The following RSBN1 variants were observed in gnomAD, a reference collection of about 807,000 sequenced individuals.
The protein encoded by RSBN1 is lysine-specific demethylase 9.
A neutral mutation model predicts 74.8 loss-of-function variants in RSBN1; 23 were observed. That is an observed-to-expected ratio of 0.31 (90% CI 0.22 to 0.44). The LOEUF (loss-of-function observed/expected upper bound fraction) is 0.44. Among genes scored for constraint, RSBN1 ranks in the 20% least tolerant of loss-of-function variants. RSBN1 has a pLI of 1.00. For synonymous variants in RSBN1, 407 were observed against 379.6 expected (o/e 1.07, Z -0.84); for missense variants, 808 against 1,020.9 (o/e 0.79, Z 2.84).
At chr1:113,770,337 G>C (rs574148380) in intron 4 of RSBN1, among the ~76,000 whole-genome samples, 209 of 152,280 alleles carry the variant, frequency 1.4e-3, no homozygotes, top group Non-Finnish European at 2.4e-3. Context: ...GAGAATGTTA[G>C]AACAGAGAAA....
chr1:113,767,433 G>GA lies in RSBN1; in HGVS notation c.1827-227dup, dbSNP rs1441438647. ...AAATTAAAACAAAAATGGCTAAAAA[G>GA]AATAGTTTTATTCTAAACTAGTTGC... On this transcript the variant is annotated intron_variant, in intron 5 of 6. Transcript: ENST00000261441. 2.0e-5 allele frequency among the ~76,000 whole-genome samples: 3 copies of GA among 152,176 alleles called. No homozygotes were observed. In the East Asian group the frequency reaches 5.8e-4, roughly 29 times the overall value.
chr1:113,765,860 T>C lies in RSBN1; in HGVS notation c.*120A>G. On this transcript the variant is annotated 3_prime_UTR_variant, in exon 7 of 7. Transcript: ENST00000261441. ...ATGCTTGACATTTGTGGAATGTCAT[T>C]TCTCTTTATAGAATTATAGGCAAGA... The C allele has an allele frequency of 1.4e-6, 1 of 720,518 alleles. No individual in the cohort carries two copies. The highest frequency in any genetic ancestry group is 1.9e-5 in the South Asian group (1 of 51,384). 44.6% of individuals were successfully genotyped at this position (720,518 alleles called of 1,614,324 possible).
rs147310971 is a variant in RSBN1 at position 113,806,138 on chromosome 1, C to G, written c.703+5572G>C. ...ATCACCTGAGGTCAGGAGTTTGAGA[C>G]CAGTCTGGCCAACATGGTGAAACCC... On this transcript the variant is annotated intron_variant, in intron 1 of 6. Coordinates refer to ENST00000261441, the MANE Select transcript of RSBN1 (RefSeq NM_018364.5). 2.7e-4 allele frequency among the ~76,000 whole-genome samples: 41 copies of G among 152,068 alleles called. No homozygotes were observed. The East Asian group carries it at 7.4e-3, about 27-fold the overall frequency.
At chr1:113,780,283 T>C (rs1660113129) in intron 2 of RSBN1, among the ~76,000 whole-genome samples, 1 of 152,250 alleles carries the variant, frequency 6.6e-6, no homozygotes, top group African/African-American at 2.4e-5. Context: ...TTACTTGGCC[T>C]GAGATTATAC....
rs112812399 is a variant in RSBN1 at position 113,799,379 on chromosome 1, G to T, written c.704-1343C>A. On this transcript the variant is annotated intron_variant, in intron 1 of 6. Coordinates refer to ENST00000261441, the MANE Select transcript of RSBN1 (RefSeq NM_018364.5). ...TTATGATCTAATTGTACAAGAAAAA[G>T]AAAGTACCAGATAGTGATAAGTGGG... Among the ~76,000 whole-genome samples the T allele has an allele frequency of 4.4e-3, 667 of 152,240 alleles. 2 individuals carry two copies. The highest frequency in any genetic ancestry group is 0.015 in the African/African-American group (643 of 41,544).
intron 1 of RSBN1, among the ~76,000 whole-genome samples, chr1:113,799,077 C>G (rs1045211713): frequency 6.6e-6 from 1 of 152,172 alleles, no homozygotes; most frequent in African/African-American, 2.4e-5. Context: ...TATACCTTAC[C>G]TTTCTCTCCT....
At chr1:113,778,296 TTTTTTTTTCC>T (rs941574338) in intron 2 of RSBN1, among the ~76,000 whole-genome samples, 8 of 145,144 alleles carry the variant, frequency 5.5e-5, no homozygotes, top group Non-Finnish European at 1.1e-4. Flanking sequence ...ATCTTTTTTT[TTTTTTTTTCC>T]TTTTTTTTGA....
chr1:113,802,207 C>T (rs1320459521), intron 1 of RSBN1, among the ~76,000 whole-genome samples: 2 of 151,924 alleles, frequency 1.3e-5, no homozygotes, highest in South Asian at 2.1e-4. Context: ...CTATCCGCCT[C>T]GGCCTCCCAA....
In RSBN1 at chr1:113,812,312, T is replaced by C; in HGVS notation, c.101A>G (p.Asp34Gly). ...TTTAAATGGCCCGACCGCCCCCCCG[T>C]CCGCGCATCGCGCAAGCGCCGCCCG... is the stretch of plus-strand genomic sequence containing the variant. ...SARAALARCA[D>G]GGAVGPFKCV... is the part of the protein sequence containing the mutation. Residue 34 changes from aspartate to glycine, a missense_variant, in exon 1 of 7, where the codon GAC becomes GGC. Physicochemically the swap from Asp to Gly is moderately conservative, Grantham distance 94. This residue lies in a region of RSBN1 where 464 missense variants were observed against 401.0 expected (regional missense o/e 1.16). Transcript: ENST00000261441. 1 of 1,603,998 alleles carries C rather than the reference T, an allele frequency of 6.2e-7. No homozygotes were observed. The highest frequency in any genetic ancestry group is 8.5e-7 in the Non-Finnish European group (1 of 1,179,754).
intron 1 of RSBN1, among the ~76,000 whole-genome samples, chr1:113,809,474 T>C (rs936527339): frequency 3.9e-5 from 6 of 152,234 alleles, no homozygotes; most frequent in African/African-American, 1.4e-4. Flanking sequence ...AGTCAAACTA[T>C]GTGCAAAAGC....
Position 113,812,261 on chromosome 1 carries a change from G to A in RSBN1, c.152C>T (p.Ala51Val). Reference protein sequence around the residue: ...FKCVFVGEMAAQVGAVRVVRA... With the variant: ...FKCVFVGEMAVQVGAVRVVRA... ...TACTACGCGCACCGCTCCGACCTGC[G>A]CAGCCATTTCACCCACAAACACACA... Residue 51 changes from alanine to valine, a missense_variant, in exon 1 of 7, where the codon GCG (alanine) becomes GTG (valine). By Grantham distance (64) the Ala-to-Val change is moderately conservative (BLOSUM62 0). Coordinates refer to ENST00000261441, the MANE Select transcript of RSBN1 (RefSeq NM_018364.5). 6.2e-7 allele frequency: 1 copy of A among 1,605,628 alleles called. No homozygotes were observed. Among genetic ancestry groups the A allele is most frequent in the Non-Finnish European group, 8.5e-7 (1 of 1,179,836 alleles).
chr1:113,800,089 A>G (rs1367690456), intron 1 of RSBN1, among the ~76,000 whole-genome samples: 1 of 152,206 alleles, frequency 6.6e-6, no homozygotes, highest in Non-Finnish European at 1.5e-5. Context: ...TACTCCATAT[A>G]AAATCACTTC....
intron 4 of RSBN1, among the ~76,000 whole-genome samples, chr1:113,769,584 A>G (rs200281694): frequency 6.6e-6 from 1 of 152,208 alleles, no homozygotes; most frequent in African/African-American, 2.4e-5. Flanking sequence ...ATTTCTAAAT[A>G]TAATAATCTA....
At chr1:113,771,526 A>T (rs1391729420) in intron 4 of RSBN1, among the ~76,000 whole-genome samples, 4 of 151,796 alleles carry the variant, frequency 2.6e-5, no homozygotes, top group South Asian at 2.1e-4. Flanking sequence ...ATGTTACAGC[A>T]GACAGTATGA....
intron 4 of RSBN1, among the ~76,000 whole-genome samples, chr1:113,769,630 A>C (rs1244074760): frequency 6.6e-6 from 1 of 152,198 alleles, no homozygotes; most frequent in Non-Finnish European, 1.5e-5. Context: ...AAAGGAAATG[A>C]ATTAATGAAT....
chr1:113,797,891 A>G lies in RSBN1; in HGVS notation c.849T>C (p.Ala283=), dbSNP rs1660504501. The change falls in exon 2 of 7, where the codon GCT becomes GCC. Residue 283 remains alanine, a synonymous_variant. Transcript: ENST00000261441. The part of the protein sequence containing the change: ...MYNKEVQTVC[A]GLTRISKEIL... ...TTTCTTTACTGATGCGGGTCAGGCC[A>G]GCACAGACGGTTTGTACTTCCTTAT... is the stretch of plus-strand genomic sequence containing the variant. 1 of 1,613,330 alleles carries G rather than the reference A, an allele frequency of 6.2e-7. No homozygotes were observed. Among genetic ancestry groups the G allele is most frequent in the Non-Finnish European group, 8.5e-7 (1 of 1,179,946 alleles).
intron 4 of RSBN1, among the ~76,000 whole-genome samples, chr1:113,772,615 T>TA (rs1160309197): frequency 6.6e-6 from 1 of 152,194 alleles, no homozygotes; most frequent in Non-Finnish European, 1.5e-5. Context: ...GTGTCCTTGG[T>TA]AACTGAACAG....
At chr1:113,807,772 A>ATT (rs1016800354) in intron 1 of RSBN1, among the ~76,000 whole-genome samples, 4 of 143,452 alleles carry the variant, frequency 2.8e-5, no homozygotes, top group South Asian at 2.3e-4. Flanking sequence ...AAAAAAAAAA[A>ATT]TTATATATAT....
chr1:113,778,178 A>G (rs1660066041), intron 2 of RSBN1, among the ~76,000 whole-genome samples: 1 of 152,202 alleles, frequency 6.6e-6, no homozygotes, highest in Non-Finnish European at 1.5e-5. Flanking sequence ...AGAAAAAAAG[A>G]CCATAGTCAT....
Sources: gnomAD v4.1 joint callset for allele counts (sites outside exome capture counted in the v4.1 genomes callset) on GRCh38, gnomAD v4.1.1 for gene constraint, gnomAD v4.1.1 regional missense constraint, MANE v1.5 for transcripts, NCBI Gene and HGNC (gene_info 2026-07-23, HGNC 2026-07-21) for gene names.